ACYP2: variants seen among roughly 807,000 people sequenced by gnomAD.
The protein encoded by ACYP2 is acylphosphatase 2.
ACYP2 carries 12 observed loss-of-function variants against 11.2 expected under a neutral mutation model. The ratio of observed to expected loss-of-function variants is 1.08; its 90% CI spans 0.69 to 1.74. ACYP2 has a LOEUF of 1.74. Among genes scored for constraint, ACYP2 ranks in the 40% most tolerant of loss-of-function variants. The pLI is 0.00. For synonymous variants in ACYP2, 43 were observed against 32.2 expected (o/e 1.33, Z -1.13); for missense variants, 134 against 101.9 (o/e 1.31, Z -1.35).
intron 4 of ACYP2, among the ~76,000 whole-genome samples, chr2:54,109,739 A>C (rs1679357536): frequency 6.6e-6 from 1 of 152,180 alleles, no homozygotes; most frequent in Non-Finnish European, 1.5e-5. Context: ...GATTAAAAAA[A>C]TTATTGTGAA....
chr2:53,994,796 A>G (rs560425034), intron 2 of ACYP2, among the ~76,000 whole-genome samples: 1 of 152,306 alleles, frequency 6.6e-6, no homozygotes, highest in African/African-American at 2.4e-5. Context: ...AAGCCAGTCA[A>G]CCAATCTTCC....
chr2:53,990,649 T>C (rs1429071686), intron 2 of ACYP2, among the ~76,000 whole-genome samples: 3 of 94,240 alleles, frequency 3.2e-5, no homozygotes, highest in Admixed American at 2.6e-4. Flanking sequence ...AACTCCGTCT[T>C]ACCAAAAAAA....
intron 6 of ACYP2, among the ~76,000 whole-genome samples, chr2:54,213,401 ATACG>A (rs1224104935): frequency 2.0e-5 from 3 of 152,254 alleles, no homozygotes; most frequent in East Asian, 3.9e-4. Context: ...TGATAAACAT[ATACG>A]TGCACGTGTC....
intron 4 of ACYP2, among the ~76,000 whole-genome samples, chr2:54,126,008 GAGA>G (rs1253030195): frequency 1.3e-5 from 2 of 152,140 alleles, no homozygotes; most frequent in African/African-American, 2.4e-5. Context: ...TTGAACCTGG[GAGA>G]AGGAGGTTGC....
intron 6 of ACYP2, among the ~76,000 whole-genome samples, chr2:54,244,472 G>A (rs1169948996): frequency 1.3e-5 from 2 of 151,400 alleles, no homozygotes; most frequent in Admixed American, 1.3e-4. Flanking sequence ...AAAGTGCTGG[G>A]ATTACAGCAC....
chr2:54,173,397 T>C (rs1683297709), intron 6 of ACYP2, among the ~76,000 whole-genome samples: 1 of 152,054 alleles, frequency 6.6e-6, no homozygotes, highest in African/African-American at 2.4e-5. Flanking sequence ...GGGGTTGTTT[T>C]TTTCTTGTAA....
In ACYP2 at chr2:54,289,924, G is replaced by T. The variant is rs372520535; in HGVS notation, c.405-14764G>T. ...ACATGTAGTATGCTCAATACAGCCG[G>T]TGTCTAATACACAGCCAAACAGTCG... On this transcript the variant is annotated intron_variant, in intron 6 of 6. Transcript: ENST00000607452. Among the ~76,000 whole-genome samples the T allele has an allele frequency of 7.9e-5, 12 of 152,084 alleles. 1 individual carries two copies. Among genetic ancestry groups the T allele is most frequent in the African/African-American group, 2.9e-4 (12 of 41,354 alleles).
At position 54,119,051 on chromosome 2, in the gene ACYP2, C is replaced by CTTTTTT. The variant is rs10542497; in HGVS notation, c.278-16375_278-16370dup. Among the ~76,000 whole-genome samples, 234 of 43,774 alleles carry CTTTTTT rather than the reference C, an allele frequency of 5.3e-3. 25 individuals carry two copies. Among genetic ancestry groups the CTTTTTT allele is most frequent in the African/African-American group, 0.02 (191 of 9,484 alleles). The allele number at this position is 43,774 out of a possible 152,430, so 28.7% of individuals were successfully genotyped here. ...GAAGTGGGATTTGAATCTTAGTAGT[C>CTTTTTT]TTTTTTTTTTTTTTTTTTTTTTTTT... On this transcript the variant is annotated intron_variant, in intron 4 of 6. Coordinates refer to ENST00000607452, the MANE Select transcript of ACYP2 (RefSeq NM_001320586.2).
At chr2:54,184,561 A>G (rs574938772) in intron 6 of ACYP2, among the ~76,000 whole-genome samples, 1 of 152,334 alleles carries the variant, frequency 6.6e-6, no homozygotes, top group South Asian at 2.1e-4. Context: ...AGAAAATATA[A>G]CAGAAAATAA....
intron 6 of ACYP2, among the ~76,000 whole-genome samples, chr2:54,169,122 C>T (rs982246702): frequency 6.6e-6 from 1 of 152,106 alleles, no homozygotes; most frequent in Non-Finnish European, 1.5e-5. Context: ...TACCTTTTTC[C>T]CCACAGAATG....
chr2:54,227,524 C>T lies in ACYP2; in HGVS notation c.405-77164C>T, dbSNP rs557579756. Among the ~76,000 whole-genome samples the T allele has an allele frequency of 1.1e-4, 16 of 152,056 alleles. No homozygotes were observed. The East Asian group carries it at 1.4e-3, about 13-fold the overall frequency. ...TCATGGTGGCGCGTGCCTGTAGTCC[C>T]AGCTACTTGGGAGGCTGAGGCAGAG... is the stretch of plus-strand genomic sequence containing the variant. On this transcript the variant is annotated intron_variant, in intron 6 of 6. Coordinates refer to ENST00000607452, the MANE Select transcript of ACYP2 (RefSeq NM_001320586.2).
At chr2:54,073,418 G>A (rs1006435145) in intron 4 of ACYP2, among the ~76,000 whole-genome samples, 2 of 152,030 alleles carry the variant, frequency 1.3e-5, no homozygotes, top group Admixed American at 1.3e-4. Context: ...AGAGCTAGAA[G>A]TACAAAACTC....
chr2:54,162,971 G>A (rs1456108734), intron 6 of ACYP2, among the ~76,000 whole-genome samples: 1 of 152,192 alleles, frequency 6.6e-6, no homozygotes, highest in Non-Finnish European at 1.5e-5. Context: ...GCCAGAGTGA[G>A]ACCCTGTCTC....
intron 6 of ACYP2, among the ~76,000 whole-genome samples, chr2:54,192,954 C>T (rs1684297224): frequency 6.6e-6 from 1 of 152,104 alleles, no homozygotes; most frequent in South Asian, 2.1e-4. Flanking sequence ...CTGGTCCTAC[C>T]CTTGACGTGG....
At chr2:54,028,391 C>T (rs1377904947) in intron 2 of ACYP2, among the ~76,000 whole-genome samples, 1 of 152,154 alleles carries the variant, frequency 6.6e-6, no homozygotes, top group African/African-American at 2.4e-5. Flanking sequence ...AAGAAAAAGC[C>T]TCAAGGTCTC....
chr2:54,165,781 T>G (rs549244070), intron 6 of ACYP2, among the ~76,000 whole-genome samples: 11 of 152,266 alleles, frequency 7.2e-5, no homozygotes, highest in African/African-American at 2.6e-4. Flanking sequence ...CAAGGGAAAG[T>G]CAGTGCATCT....
At chr2:54,194,934 G>A (rs984527066) in intron 6 of ACYP2, among the ~76,000 whole-genome samples, 4 of 152,186 alleles carry the variant, frequency 2.6e-5, no homozygotes, top group Non-Finnish European at 5.9e-5. Flanking sequence ...ATTTTAGGAT[G>A]TTGTGTTTTC....
Position 54,201,628 on chromosome 2 carries a change from CTT to C in ACYP2, c.404+62882_404+62883del, listed in dbSNP as rs879397824. ...TCTTTCTTTCTTTCTTTCTTTGTTT[CTT>C]TCTTTCTCTTTCTTTCTTTCTTTCT... is the stretch of plus-strand genomic sequence containing the variant. On this transcript the variant is annotated intron_variant, in intron 6 of 6. Coordinates refer to ENST00000607452, the MANE Select transcript of ACYP2 (RefSeq NM_001320586.2). 8.3e-3 allele frequency among the ~76,000 whole-genome samples: 828 copies of C among 99,398 alleles called. 11 individuals are homozygous for C. The highest frequency in any genetic ancestry group is 0.043 in the South Asian group (112 of 2,624). 65.2% of individuals were successfully genotyped at this position (99,398 alleles called of 152,430 possible).
At chr2:54,220,553 T>C (rs533747511) in intron 6 of ACYP2, among the ~76,000 whole-genome samples, 23 of 152,340 alleles carry the variant, frequency 1.5e-4, no homozygotes, top group African/African-American at 5.3e-4. Flanking sequence ...TTTATTCAAA[T>C]GTAAATCTCA....
Sources: gnomAD v4.1 joint callset for allele counts (sites outside exome capture counted in the v4.1 genomes callset) on GRCh38, gnomAD v4.1.1 for gene constraint, MANE v1.5 for transcripts, NCBI Gene and HGNC (gene_info 2026-07-23, HGNC 2026-07-21) for gene names.